IFT52: variants seen among roughly 807,000 people sequenced by gnomAD.
IFT52 encodes the protein intraflagellar transport protein 52 homolog.
A neutral mutation model predicts 54.4 loss-of-function variants in IFT52; 44 were observed. The ratio of observed to expected loss-of-function variants is 0.81; its 90% CI spans 0.63 to 1.04. IFT52 has a LOEUF of 1.04. Ranked by LOEUF, IFT52 falls within the 50% of genes least tolerant of loss-of-function variation. The pLI, the probability that IFT52 is intolerant of heterozygous loss-of-function variation, is 0.00. For missense variants in IFT52, 452 were observed against 523.6 expected (o/e 0.86, Z 1.33); for synonymous variants, 181 against 185.3 (o/e 0.98, Z 0.19).
rs201812874 is a variant in IFT52, at chr20:43,595,158, TA to T, written c.119+351del. On this transcript the variant is annotated intron_variant, in intron 2 of 13. Coordinates refer to ENST00000373030, the MANE Select transcript of IFT52 (RefSeq NM_016004.5). ...GTGAAACCCCATCGCTACTAAAAAT[TA>T]AAAAAAAAATTAGCGAAGTGTGGTG... 8.2e-4 allele frequency among the ~76,000 whole-genome samples: 121 copies of T among 147,942 alleles called. 1 individual carries two copies. Among genetic ancestry groups the T allele is most frequent in the African/African-American group, 2.7e-3 (109 of 40,472 alleles).
At chr20:43,604,115 G>A in intron 4 of IFT52, 68 bp from the exon 5 acceptor site, 1 of 1,307,018 alleles carries the variant, frequency 7.7e-7, no homozygotes, top group Non-Finnish European at 1.1e-6. Context: ...GGTCAAAATT[G>A]GTATGAGTCT....
chr20:43,637,181 C>G lies in IFT52; in HGVS notation c.1048C>G (p.Pro350Ala), dbSNP rs1453940597. ...CAGTTTCCGGGAGTTACCACCTCCT[C>G]CTCTGGAGCTATTTGATTTAGATGA... ...PPSFRELPPP[P>A]LELFDLDETF... Residue 350 changes from proline (P) to alanine (A), a missense_variant, in exon 12 of 14, where the codon CCT becomes GCT. Physicochemically the swap from Pro to Ala is conservative, Grantham distance 27. Transcript: ENST00000373030. The G allele has an allele frequency of 3.1e-6, 5 of 1,611,596 alleles. No individual in the cohort carries two copies. Among genetic ancestry groups the G allele is most frequent in the East Asian group, 4.5e-5 (2 of 44,782 alleles).
chr20:43,605,804 G>C (rs1241634426), intron 6 of IFT52, among the ~76,000 whole-genome samples: 1 of 152,204 alleles, frequency 6.6e-6, no homozygotes, highest in South Asian at 2.1e-4. Flanking sequence ...GAAAGTTAGA[G>C]ATGAGATACA....
At chr20:43,618,732 C>T (rs1182625323) in intron 7 of IFT52, among the ~76,000 whole-genome samples, 1 of 152,128 alleles carries the variant, frequency 6.6e-6, no homozygotes, top group Non-Finnish European at 1.5e-5. Flanking sequence ...GATCCGCCTG[C>T]CTCGGCCTCC....
At chr20:43,608,403 T>A (rs149174736) in intron 6 of IFT52, among the ~76,000 whole-genome samples, 2,459 of 152,332 alleles carry the variant, frequency 0.016, 33 homozygotes, top group Non-Finnish European at 0.025. Context: ...TGCATTTTTT[T>A]AAATTATTAG....
chr20:43,600,679 A>G (rs1192639096), intron 3 of IFT52, among the ~76,000 whole-genome samples: 1 of 152,188 alleles, frequency 6.6e-6, no homozygotes, highest in Non-Finnish European at 1.5e-5. Flanking sequence ...CAGTATTTAC[A>G]TAGAATTTGA....
At chr20:43,624,231 G>A in intron 10 of IFT52, 186 bp downstream of exon 10, 2 of 649,860 alleles carry the variant, frequency 3.1e-6, no homozygotes, top group South Asian at 1.9e-5. Flanking sequence ...GGAACTGCCA[G>A]AGGTTATTAG....
chr20:43,593,282 A>T (rs1981678926), intron 1 of IFT52, among the ~76,000 whole-genome samples: 1 of 152,178 alleles, frequency 6.6e-6, no homozygotes, highest in Non-Finnish European at 1.5e-5. Context: ...TTGGCCCTTT[A>T]TTGGCAAACA....
chr20:43,599,438 A>G (rs1283196713), intron 3 of IFT52, among the ~76,000 whole-genome samples: 2 of 152,112 alleles, frequency 1.3e-5, no homozygotes, highest in African/African-American at 4.8e-5. Context: ...GGCAAATTTG[A>G]TGTAACTTTA....
intron 2 of IFT52, among the ~76,000 whole-genome samples, chr20:43,595,200 C>T (rs940840995): frequency 6.6e-6 from 1 of 151,714 alleles, no homozygotes; most frequent in Non-Finnish European, 1.5e-5. Context: ...CGCCTGTAAT[C>T]CCAGCTCCTT....
At chr20:43,635,173 A>G (rs1026890161) in intron 10 of IFT52, among the ~76,000 whole-genome samples, 18 of 123,026 alleles carry the variant, frequency 1.5e-4, no homozygotes, top group African/African-American at 5.3e-4. Context: ...GTCTCCAAAA[A>G]AAAGAGAGAG....
At chr20:43,602,233 C>T (rs968916045) in intron 3 of IFT52, among the ~76,000 whole-genome samples, 2 of 151,690 alleles carry the variant, frequency 1.3e-5, no homozygotes, top group African/African-American at 4.8e-5. Context: ...GGCGCATTCT[C>T]GGCTCATTGC....
At chr20:43,628,323 G>A (rs1455187626) in intron 10 of IFT52, among the ~76,000 whole-genome samples, 1 of 152,172 alleles carries the variant, frequency 6.6e-6, no homozygotes, top group Non-Finnish European at 1.5e-5. Context: ...TCAGAGGGGA[G>A]GAATCTAGAG....
At chr20:43,606,047 C>T (rs1158961057) in intron 6 of IFT52, among the ~76,000 whole-genome samples, 1 of 151,868 alleles carries the variant, frequency 6.6e-6, no homozygotes, top group African/African-American at 2.4e-5. Context: ...ATGGCGAAAC[C>T]CCGTCTTTAC....
At position 43,607,244 on chromosome 20, in the gene IFT52, G is replaced by A. The variant is rs1306645776; in HGVS notation, c.485+2171G>A. On this transcript the variant is annotated intron_variant, in intron 6 of 13. Transcript: ENST00000373030. ...CCCCCACCTCCCTCCCGGACGGGGC[G>A]GCTGGCCGGGCGGGGGGCTGACCCC... is the stretch of plus-strand genomic sequence containing the variant. Among the ~76,000 whole-genome samples the A allele has an allele frequency of 1.8e-4, 26 of 148,380 alleles. 1 individual carries two copies. Among genetic ancestry groups the A allele is most frequent in the African/African-American group, 4.0e-4 (16 of 39,678 alleles).
At chr20:43,640,559 T>C (rs1006954736) in intron 12 of IFT52, among the ~76,000 whole-genome samples, 8 of 152,198 alleles carry the variant, frequency 5.3e-5, no homozygotes, top group African/African-American at 1.9e-4. Flanking sequence ...AGAAAACTAT[T>C]CTAGTTTGAT....
chr20:43,646,072 G>A (rs1009361880), intron 13 of IFT52, among the ~76,000 whole-genome samples: 8 of 151,762 alleles, frequency 5.3e-5, no homozygotes, highest in Admixed American at 1.3e-4. Context: ...TTAGCCGCGC[G>A]TGGTGGCGGG....
intron 13 of IFT52, among the ~76,000 whole-genome samples, chr20:43,645,385 G>A (rs150432006): frequency 0.029 from 1,597 of 54,346 alleles, 614 homozygotes; most frequent in African/African-American, 0.08. Context: ...GTGAAACCCC[G>A]TCTCTACTAA....
intron 12 of IFT52, among the ~76,000 whole-genome samples, chr20:43,640,421 C>G (rs1167843313): frequency 6.6e-6 from 1 of 152,076 alleles, no homozygotes; most frequent in Non-Finnish European, 1.5e-5. Context: ...GATCACGCCA[C>G]TGTACTCCAG....
Sources: allele counts gnomAD v4.1 joint callset (sites outside exome capture counted in the v4.1 genomes callset), GRCh38; gene constraint gnomAD v4.1.1; transcripts MANE v1.5; gene names NCBI Gene and HGNC (gene_info 2026-07-23, HGNC 2026-07-21).